DMXL2: variants seen among roughly 807,000 people sequenced by gnomAD.
DMXL2 encodes the protein Dmx like 2.
In DMXL2, 103 loss-of-function variants were observed where a neutral mutation model predicts 331.1. That is an observed-to-expected ratio of 0.31 (90% CI 0.27 to 0.37). The LOEUF is 0.37. Among genes scored for constraint, DMXL2 ranks in the 10% least tolerant of loss-of-function variants. DMXL2 has a pLI of 1.00. For synonymous variants in DMXL2, 1,281 were observed against 1,252.1 expected, an observed-to-expected ratio of 1.02 and a Z score of -0.49; for missense variants, 3,171 against 3,642.9, an observed-to-expected ratio of 0.87 and a Z score of 3.33.
intron 1 of DMXL2, among the ~76,000 whole-genome samples, chr15:51,614,288 G>T (rs1646545007): frequency 6.6e-6 from 1 of 152,156 alleles, no homozygotes; most frequent in African/African-American, 2.4e-5. Context: ...AAAATCTGTT[G>T]TTTAAGCTAC....
chr15:51,547,146 C>A, intron 7 of DMXL2, 84 bp downstream of exon 7: 1 of 1,232,828 alleles, frequency 8.1e-7, no homozygotes, highest in Non-Finnish European at 1.1e-6. Flanking sequence ...TAATTGCCAC[C>A]ATGTAAATAA....
intron 1 of DMXL2, among the ~76,000 whole-genome samples, chr15:51,613,311 G>C (rs367949427): frequency 2.0e-5 from 3 of 152,258 alleles, no homozygotes; most frequent in African/African-American, 4.8e-5. Context: ...CTGCAGTAAA[G>C]ACAGGTGTAA....
intron 1 of DMXL2, among the ~76,000 whole-genome samples, chr15:51,590,567 A>ATT (rs201274138): frequency 1.4e-5 from 2 of 147,320 alleles, no homozygotes; most frequent in Non-Finnish European, 3.0e-5. Context: ...TTCCATTTTA[A>ATT]TTTTTTTTTT....
At chr15:51,524,648 T>C (rs1010061334) in intron 13 of DMXL2, among the ~76,000 whole-genome samples, 2 of 152,136 alleles carry the variant, frequency 1.3e-5, no homozygotes, top group African/African-American at 2.4e-5. Flanking sequence ...TGCCTTGTTA[T>C]ATAGCAGAAA....
At position 51,622,669 on chromosome 15, in the gene DMXL2, G is replaced by C; in HGVS notation, c.-124C>G. 1 of 1,433,394 alleles carries C rather than the reference G, an allele frequency of 7.0e-7. No individual in the cohort carries two copies. The highest frequency in any genetic ancestry group is 9.2e-7 in the Non-Finnish European group (1 of 1,089,058). The allele number at this position is 1,433,394 out of a possible 1,614,324, so 88.8% of individuals were successfully genotyped here. Reference sequence around the variant, plus strand: ...CGGAAACCCGCCCCGCGGAGGCTCTGGCTTAACTCCTCGCCCCCCTTTCGC... The same window carrying C: ...CGGAAACCCGCCCCGCGGAGGCTCTCGCTTAACTCCTCGCCCCCCTTTCGC... On this transcript the variant is annotated 5_prime_UTR_variant, in exon 1 of 44. Transcript: ENST00000560891.
chr15:51,532,910 G>C (rs973839623), intron 13 of DMXL2, among the ~76,000 whole-genome samples: 1 of 152,120 alleles, frequency 6.6e-6, no homozygotes, highest in African/African-American at 2.4e-5. Flanking sequence ...ACATGGAAAA[G>C]TCCAAGAAAT....
chr15:51,455,110 TGTTGTGTATATGCGCCCTG>T (rs1443506356), intron 40 of DMXL2, 22 bp downstream of exon 40: 1 of 1,447,572 alleles, frequency 6.9e-7, no homozygotes, highest in Non-Finnish European at 9.7e-7. Flanking sequence ...ATGAACAAAG[TGTTGTGTATATGCGCCCTG>T]GGAACATTTA....
Position 51,499,120 on chromosome 15 carries a change from G to C in DMXL2, c.4104C>G (p.Leu1368=). Residue 1368 remains leucine (L), a synonymous_variant, in exon 18 of 44, where the codon CTC becomes CTG. Coordinates refer to ENST00000560891, the MANE Select transcript of DMXL2 (RefSeq NM_001378457.1). ...LGKVRRAKAI[L]SHLVKCIAGE... Reference sequence around the variant, plus strand: ...CTGCAATACATTTTACTAAATGAGAGAGAATGGCTTTAGCCCTTCGCACTT... The same window carrying C: ...CTGCAATACATTTTACTAAATGAGACAGAATGGCTTTAGCCCTTCGCACTT... 3 of 1,614,096 alleles carry C rather than the reference G, an allele frequency of 1.9e-6. No individual in the cohort carries two copies. The highest frequency in any genetic ancestry group is 2.5e-6 in the Non-Finnish European group (3 of 1,180,022).
At chr15:51,537,386 C>G (rs1410868602) in intron 11 of DMXL2, 102 bp downstream of exon 11, 2 of 1,318,400 alleles carry the variant, frequency 1.5e-6, no homozygotes, top group Non-Finnish European at 2.0e-6. Flanking sequence ...CTTATCAAAA[C>G]CAAAATTTTC....
chr15:51,492,867 A>G lies in DMXL2; in HGVS notation c.4784-1120T>C, dbSNP rs111868553. The stretch of plus-strand genomic sequence containing the variant: ...TTAAGTATCTATATTGTTACACATA[A>G]TTTTTTCCATTTTCAACTACTATAT... On this transcript the variant is annotated intron_variant, in intron 19 of 43. Transcript: ENST00000560891. Among the ~76,000 whole-genome samples, 176 of 152,254 alleles carry G rather than the reference A, an allele frequency of 1.2e-3. 1 individual carries two copies. The highest frequency in any genetic ancestry group is 3.9e-3 in the African/African-American group (161 of 41,550).
At chr15:51,543,157 G>A (rs2048696710) in intron 8 of DMXL2, among the ~76,000 whole-genome samples, 1 of 152,096 alleles carries the variant, frequency 6.6e-6, no homozygotes, top group Non-Finnish European at 1.5e-5. Context: ...GACTATTTTA[G>A]TCATGGGGCC....
intron 16 of DMXL2, 55 bp downstream of exon 16, chr15:51,507,079 T>G: frequency 2.2e-6 from 3 of 1,354,304 alleles, no homozygotes; most frequent in Non-Finnish European, 3.0e-6. Flanking sequence ...GTAAAGCATA[T>G]TCTATAAAAT....
chr15:51,450,664 G>A, intron 42 of DMXL2: 1 of 351,104 alleles, frequency 2.8e-6, no homozygotes, highest in Non-Finnish European at 5.5e-6. Context: ...CTCAAAGTTG[G>A]TGAGTATTAA....
intron 6 of DMXL2, among the ~76,000 whole-genome samples, chr15:51,561,729 C>G (rs2049985197): frequency 1.3e-5 from 2 of 152,306 alleles, no homozygotes; most frequent in Middle Eastern, 6.8e-3. Context: ...GATAGCTACA[C>G]TCCCATGTTT....
chr15:51,585,416 T>C (rs955792784), intron 1 of DMXL2, among the ~76,000 whole-genome samples: 4 of 152,178 alleles, frequency 2.6e-5, no homozygotes, highest in African/African-American at 9.7e-5. Flanking sequence ...GCTCTGTTTA[T>C]ATTCATTCTT....
intron 1 of DMXL2, among the ~76,000 whole-genome samples, chr15:51,621,162 T>C (rs988947322): frequency 8.5e-5 from 13 of 152,152 alleles, no homozygotes; most frequent in Admixed American, 3.3e-4. Flanking sequence ...TTAAGTCACA[T>C]GTACATAAAA....
chr15:51,554,110 T>C (rs1033696998), intron 6 of DMXL2, among the ~76,000 whole-genome samples: 1 of 152,282 alleles, frequency 6.6e-6, no homozygotes, highest in Non-Finnish European at 1.5e-5. Flanking sequence ...GTGTACAATA[T>C]CCAAGCTGAC....
chr15:51,533,244 A>G (rs1000835376), intron 13 of DMXL2, among the ~76,000 whole-genome samples: 1 of 152,072 alleles, frequency 6.6e-6, no homozygotes, highest in Non-Finnish European at 1.5e-5. Context: ...GCTGGTCTTG[A>G]ACTCATGGGG....
At chr15:51,583,000 T>G (rs2141182164) in intron 1 of DMXL2, among the ~76,000 whole-genome samples, 1 of 151,992 alleles carries the variant, frequency 6.6e-6, no homozygotes, top group African/African-American at 2.4e-5. Flanking sequence ...TCTTTTAACA[T>G]AAATGGGATC....
Sources: gnomAD v4.1 joint callset for allele counts (sites outside exome capture counted in the v4.1 genomes callset) on GRCh38, gnomAD v4.1.1 for gene constraint, MANE v1.5 for transcripts, NCBI Gene and HGNC (gene_info 2026-07-23, HGNC 2026-07-21) for gene names.